The following B3GALT1 variants were observed in gnomAD, a reference collection of about 807,000 sequenced individuals.
The protein encoded by B3GALT1 is UDP-Gal:betaGlcNAc beta 1,3-galactosyltransferase, polypeptide 1.
B3GALT1 carries 10 observed loss-of-function variants against 23.2 expected under a neutral mutation model. That is an observed-to-expected ratio of 0.43 (90% CI 0.27 to 0.73). The LOEUF (loss-of-function observed/expected upper bound fraction) is 0.73. Ranked by LOEUF, B3GALT1 falls within the 30% of genes least tolerant of loss-of-function variation. The pLI is 0.21. For missense variants in B3GALT1, 299 were observed against 405.4 expected (o/e 0.74, Z 2.25); for synonymous variants, 156 against 141.5 (o/e 1.10, Z -0.73).
chr2:167,297,957 T>C (rs1696382116), intron 1 of B3GALT1, among the ~76,000 whole-genome samples: 1 of 152,148 alleles, frequency 6.6e-6, no homozygotes, highest in Non-Finnish European at 1.5e-5. Context: ...CTTTCTGATA[T>C]TGTCAACTCA....
intron 2 of B3GALT1, among the ~76,000 whole-genome samples, chr2:167,548,162 A>G (rs73026031): frequency 0.086 from 13,059 of 152,242 alleles, 1,368 homozygotes; most frequent in African/African-American, 0.24. Context: ...AAAAGCAAGC[A>G]GAGAGAAAGA....
intron 3 of B3GALT1, among the ~76,000 whole-genome samples, chr2:167,693,494 A>G (rs1050877371): frequency 4.6e-5 from 7 of 152,128 alleles, no homozygotes; most frequent in Non-Finnish European, 1.0e-4. Context: ...AGAGTGGCAA[A>G]CACTGTCTGC....
intron 1 of B3GALT1, among the ~76,000 whole-genome samples, chr2:167,475,655 C>T (rs1266077783): frequency 1.3e-5 from 2 of 152,064 alleles, no homozygotes; most frequent in Non-Finnish European, 2.9e-5. Context: ...AAGACATGAC[C>T]AGAAATGTCT....
chr2:167,309,646 A>G (rs765105529), intron 1 of B3GALT1, among the ~76,000 whole-genome samples: 7 of 152,078 alleles, frequency 4.6e-5, no homozygotes, highest in Non-Finnish European at 5.9e-5. Flanking sequence ...AATCACATTT[A>G]TAACTCTAAG....
At chr2:167,296,143 C>T in intron 1 of B3GALT1, among the ~76,000 whole-genome samples, 1 of 152,174 alleles carries the variant, frequency 6.6e-6, no homozygotes, top group East Asian at 1.9e-4. Context: ...GTAATGTCAA[C>T]TTGTGAAGAC....
chr2:167,563,392 G>A (rs1364528618), intron 2 of B3GALT1, among the ~76,000 whole-genome samples: 12 of 136,294 alleles, frequency 8.8e-5, no homozygotes, highest in East Asian at 2.5e-4. Context: ...CGGACGGGGC[G>A]GCTGGCCGGG....
In B3GALT1 at chr2:167,461,319, C is replaced by T. The variant is rs532757872; in HGVS notation, c.-510-28858C>T. On this transcript the variant is annotated intron_variant, in intron 1 of 4. Transcript: ENST00000392690. The stretch of plus-strand genomic sequence containing the variant: ...TTGACCAAAATTAACCACAATTTGC[C>T]ATTCAGTCATCCCTCTAAAAGTTTC... 7.2e-5 allele frequency among the ~76,000 whole-genome samples: 11 copies of T among 152,292 alleles called. No homozygotes were observed. In the East Asian group the frequency reaches 2.1e-3, roughly 29 times the overall value.
intron 3 of B3GALT1, among the ~76,000 whole-genome samples, chr2:167,788,011 G>A (rs1277951150): frequency 6.6e-6 from 1 of 152,172 alleles, no homozygotes; most frequent in African/African-American, 2.4e-5. Flanking sequence ...TTACTTGAAT[G>A]CCTAGACTTT....
chr2:167,863,288 T>G (rs1188869593), intron 4 of B3GALT1, among the ~76,000 whole-genome samples: 3 of 151,984 alleles, frequency 2.0e-5, no homozygotes, highest in Non-Finnish European at 4.4e-5. Flanking sequence ...CTAACAGCAA[T>G]ACTATTTCTT....
intron 2 of B3GALT1, among the ~76,000 whole-genome samples, chr2:167,507,504 CAAAA>C (rs60408245): frequency 8.3e-4 from 22 of 26,606 alleles, no homozygotes; most frequent in African/African-American, 1.1e-3. Context: ...GACTCCGTCT[CAAAA>C]AAAAAAAAAA....
chr2:167,657,533 A>G (rs957279963), intron 3 of B3GALT1, among the ~76,000 whole-genome samples: 1 of 152,096 alleles, frequency 6.6e-6, no homozygotes, highest in Non-Finnish European at 1.5e-5. Context: ...CTTGTAATTC[A>G]CAGAAAATTT....
chr2:167,844,540 A>G lies in B3GALT1; in HGVS notation c.-229-24271A>G, dbSNP rs902708773. The stretch of plus-strand genomic sequence containing the variant: ...TCAGACCTTACCTGGAGCAGAGTCA[A>G]TTTAGAGAGCCTAGCGAAATACAGG... On this transcript the variant is annotated intron_variant, in intron 4 of 4. Transcript: ENST00000392690. Among the ~76,000 whole-genome samples, 12 of 152,188 alleles carry G rather than the reference A, an allele frequency of 7.9e-5. 1 individual carries two copies.
At chr2:167,442,821 G>A (rs9679661) in intron 1 of B3GALT1, among the ~76,000 whole-genome samples, 131,984 of 132,974 alleles carry the variant, frequency 0.99, 65,499 homozygotes, top group Middle Eastern at 1. Context: ...TCCATTTTGT[G>A]GGTTGCCTGT....
intron 1 of B3GALT1, among the ~76,000 whole-genome samples, chr2:167,488,058 A>G (rs759220018): frequency 2.0e-5 from 3 of 152,216 alleles, no homozygotes; most frequent in South Asian, 2.1e-4. Context: ...AAGGTCTTCA[A>G]TGGCCAAATG....
chr2:167,398,774 C>G (rs147406795), intron 1 of B3GALT1, among the ~76,000 whole-genome samples: 438 of 152,178 alleles, frequency 2.9e-3, no homozygotes, highest in Non-Finnish European at 4.8e-3. Context: ...TCTTAGGTGC[C>G]CACTATATAT....
chr2:167,377,930 CTTAT>C (rs1559079602), intron 1 of B3GALT1, among the ~76,000 whole-genome samples: 2 of 152,022 alleles, frequency 1.3e-5, no homozygotes, highest in Non-Finnish European at 2.9e-5. Flanking sequence ...GGGCTATATA[CTTAT>C]TTGTTTTTCA....
At chr2:167,551,595 C>A (rs575820885) in intron 2 of B3GALT1, among the ~76,000 whole-genome samples, 26 of 152,278 alleles carry the variant, frequency 1.7e-4, no homozygotes, top group African/African-American at 6.0e-4. Flanking sequence ...AATCAGCCAA[C>A]AGCCTGCTCT....
chr2:167,716,516 A>G (rs1687149533), intron 3 of B3GALT1, among the ~76,000 whole-genome samples: 1 of 152,124 alleles, frequency 6.6e-6, no homozygotes, highest in African/African-American at 2.4e-5. Context: ...ATGTTTGTGT[A>G]ATATATCTTT....
chr2:167,385,336 A>G lies in B3GALT1; in HGVS notation c.-511+92002A>G, dbSNP rs538018291. On this transcript the variant is annotated intron_variant, in intron 1 of 4. Transcript: ENST00000392690. ...CCAGCTCTTCCCTGACACAGAATTA[A>G]TCACTCCCTAATAGCACTTTAGTGT... Among the ~76,000 whole-genome samples the G allele has an allele frequency of 6.6e-4, 100 of 152,290 alleles. 1 individual carries two copies. The highest frequency in any genetic ancestry group is 2.3e-3 in the African/African-American group (96 of 41,568).
Sources: gnomAD v4.1 joint callset for allele counts (sites outside exome capture counted in the v4.1 genomes callset) on GRCh38, gnomAD v4.1.1 for gene constraint, MANE v1.5 for transcripts, NCBI Gene and HGNC (gene_info 2026-07-23, HGNC 2026-07-21) for gene names.